NRXN3: variants seen among roughly 807,000 people sequenced by gnomAD.
NRXN3 encodes neurexin III.
Under a neutral mutation model 137.6 loss-of-function variants are expected in NRXN3, and 32 were observed. The ratio of observed to expected loss-of-function variants is 0.23; its 90% confidence interval spans 0.18 to 0.31. The LOEUF (loss-of-function observed/expected upper bound fraction) is 0.31. Ranked by LOEUF, NRXN3 falls within the 10% of genes least tolerant of loss-of-function variation. The pLI is 1.00. For missense variants in NRXN3, 1,574 were observed against 2,062.5 expected (o/e 0.76, Z 4.59); for synonymous variants, 798 against 784.5 (o/e 1.02, Z -0.29).
chr14:78,404,171 G>A (rs1336798283), intron 4 of NRXN3, among the ~76,000 whole-genome samples: 1 of 150,232 alleles, frequency 6.7e-6, no homozygotes, highest in Non-Finnish European at 1.5e-5. Context: ...CAGGGTCTTT[G>A]GCATGAGTTA....
intron 10 of NRXN3, among the ~76,000 whole-genome samples, chr14:78,911,330 A>G (rs1289227655): frequency 6.6e-6 from 1 of 152,188 alleles, no homozygotes; most frequent in Non-Finnish European, 1.5e-5. Flanking sequence ...CAGTGTCATG[A>G]GGAATTTTCT....
Position 78,976,660 on chromosome 14 carries a change from T to C in NRXN3, c.3142+8314T>C, listed in dbSNP as rs565332859. 9.2e-5 allele frequency among the ~76,000 whole-genome samples: 14 copies of C among 152,312 alleles called. No homozygotes were observed. In the East Asian group the frequency reaches 2.5e-3, roughly 27 times the overall value. On this transcript the variant is annotated intron_variant, in intron 14 of 20. Transcript: ENST00000335750. ...CCTACTATAAGTTCCTCAAAATGCTTTCTATTGTGGAAAATAATAAGAGAG... is the reference window on the plus strand; with the variant it reads ...CCTACTATAAGTTCCTCAAAATGCTCTCTATTGTGGAAAATAATAAGAGAG...
intron 15 of NRXN3, among the ~76,000 whole-genome samples, chr14:79,044,551 A>C (rs1158319418): frequency 6.6e-6 from 1 of 152,220 alleles, no homozygotes; most frequent in African/African-American, 2.4e-5. Flanking sequence ...CCCATGTTGA[A>C]TGCCTAATGA....
intron 17 of NRXN3, among the ~76,000 whole-genome samples, chr14:79,668,478 GGAGCA>G (rs2153993335): frequency 6.6e-6 from 1 of 152,180 alleles, no homozygotes; most frequent in East Asian, 1.9e-4. Flanking sequence ...CACAGCTTAA[GGAGCA>G]GAGCCAACAC....
chr14:78,541,888 T>C (rs1287012475), intron 4 of NRXN3, among the ~76,000 whole-genome samples: 2 of 152,206 alleles, frequency 1.3e-5, no homozygotes, highest in Non-Finnish European at 2.9e-5. Flanking sequence ...CAGCTGCAGG[T>C]CTATTGGAGT....
chr14:79,537,731 G>A (rs1236297028), intron 16 of NRXN3, among the ~76,000 whole-genome samples: 1 of 152,162 alleles, frequency 6.6e-6, no homozygotes. Context: ...TTGCTATTGT[G>A]AATAGTGCCG....
At chr14:78,539,446 G>A (rs1344358736) in intron 4 of NRXN3, among the ~76,000 whole-genome samples, 1 of 152,034 alleles carries the variant, frequency 6.6e-6, no homozygotes, top group Non-Finnish European at 1.5e-5. Flanking sequence ...TATTTCTGTG[G>A]GATCAATGGT....
At chr14:78,603,995 A>T (rs950082897) in intron 4 of NRXN3, among the ~76,000 whole-genome samples, 1 of 152,196 alleles carries the variant, frequency 6.6e-6, no homozygotes. Context: ...TAATGGACTC[A>T]CAGTTCCACT....
At chr14:78,433,070 A>G (rs1405629564) in intron 4 of NRXN3, among the ~76,000 whole-genome samples, 1 of 152,326 alleles carries the variant, frequency 6.6e-6, no homozygotes, top group African/African-American at 2.4e-5. Flanking sequence ...CAAGGCTGCA[A>G]TCAAGGTGTT....
At chr14:79,754,035 C>T (rs2154092589) in intron 19 of NRXN3, among the ~76,000 whole-genome samples, 1 of 151,914 alleles carries the variant, frequency 6.6e-6, no homozygotes, top group Non-Finnish European at 1.5e-5. Context: ...AAAAAAAGTA[C>T]ACAGGCATGG....
intron 4 of NRXN3, among the ~76,000 whole-genome samples, chr14:78,405,689 G>T (rs2092440858): frequency 5.9e-5 from 9 of 152,140 alleles, no homozygotes; most frequent in Admixed American, 4.6e-4. Flanking sequence ...GGGGATTGTG[G>T]ACAGATGCTA....
intron 15 of NRXN3, among the ~76,000 whole-genome samples, chr14:79,300,182 G>T (rs543750298): frequency 1.9e-4 from 29 of 151,996 alleles, no homozygotes; most frequent in Non-Finnish European, 3.8e-4. Flanking sequence ...ACATTCAAAT[G>T]TTAAGTAATC....
At chr14:78,487,865 T>C (rs2095592688) in intron 4 of NRXN3, among the ~76,000 whole-genome samples, 1 of 152,082 alleles carries the variant, frequency 6.6e-6, no homozygotes, top group African/African-American at 2.4e-5. Context: ...AATTTCAAAA[T>C]GCAAAAGAGA....
chr14:78,488,510 G>A (rs1424277816), intron 4 of NRXN3, among the ~76,000 whole-genome samples: 2 of 152,046 alleles, frequency 1.3e-5, no homozygotes, highest in Non-Finnish European at 2.9e-5. Context: ...TCAAAAAGGT[G>A]AGCAAAAAGA....
intron 19 of NRXN3, among the ~76,000 whole-genome samples, chr14:79,794,192 G>C (rs147520680): frequency 1.4e-4 from 22 of 151,918 alleles, no homozygotes; most frequent in Admixed American, 9.8e-4. Flanking sequence ...GTGAAACCCC[G>C]TCTCTACAAA....
intron 16 of NRXN3, among the ~76,000 whole-genome samples, chr14:79,560,748 C>T (rs965485464): frequency 6.6e-6 from 1 of 151,910 alleles, no homozygotes; most frequent in East Asian, 1.9e-4. Context: ...ACCATGTTGG[C>T]CAGGCTGGTC....
At chr14:78,931,938 G>C (rs2099323245) in intron 10 of NRXN3, among the ~76,000 whole-genome samples, 1 of 152,098 alleles carries the variant, frequency 6.6e-6, no homozygotes, top group Non-Finnish European at 1.5e-5. Context: ...CCTGAGATCA[G>C]GAGTTCGAGA....
chr14:79,471,178 C>T (rs1215928193), intron 16 of NRXN3, among the ~76,000 whole-genome samples: 1 of 152,078 alleles, frequency 6.6e-6, no homozygotes, highest in Non-Finnish European at 1.5e-5. Flanking sequence ...CACTAGAGAG[C>T]CTGACCCTGG....
At chr14:78,333,007 A>G (rs1481110254) in intron 4 of NRXN3, among the ~76,000 whole-genome samples, 4 of 152,230 alleles carry the variant, frequency 2.6e-5, no homozygotes, top group South Asian at 2.1e-4. Flanking sequence ...TTTGTGTGCA[A>G]TGAGATCGTG....
Sources: allele counts gnomAD v4.1 joint callset (sites outside exome capture counted in the v4.1 genomes callset), GRCh38; gene constraint gnomAD v4.1.1; transcripts MANE v1.5; gene names NCBI Gene and HGNC (gene_info 2026-07-23, HGNC 2026-07-21).